The following GPR158 variants were observed in gnomAD, a reference collection of about 807,000 sequenced individuals.
GPR158 encodes G protein-coupled receptor 158.
GPR158 carries 30 observed loss-of-function variants against 78.2 expected under a neutral mutation model. That is an observed-to-expected ratio of 0.38 (90% CI 0.29 to 0.52). The LOEUF (loss-of-function observed/expected upper bound fraction) is 0.52, where lower values mean the gene tolerates loss of function less well. GPR158 is among the 20% of genes least tolerant of loss of function. GPR158 has a pLI of 0.83. For synonymous variants in GPR158, 581 were observed against 591.1 expected, an observed-to-expected ratio of 0.98 and a Z score of 0.25; for missense variants, 1,463 against 1,523.5, an observed-to-expected ratio of 0.96 and a Z score of 0.66.
intron 3 of GPR158, among the ~76,000 whole-genome samples, chr10:25,396,781 T>A (rs1222616215): frequency 2.0e-5 from 3 of 152,182 alleles, no homozygotes; most frequent in Admixed American, 2.0e-4. Context: ...TAGAAATTTA[T>A]AGTTTCAAAA....
chr10:25,485,930 C>T (rs1835729025), intron 5 of GPR158, among the ~76,000 whole-genome samples: 1 of 152,048 alleles, frequency 6.6e-6, no homozygotes, highest in Non-Finnish European at 1.5e-5. Flanking sequence ...TGGTGGGGCC[C>T]TTATGAATGG....
At chr10:25,447,951 CCCA>C (rs1835159217) in intron 4 of GPR158, among the ~76,000 whole-genome samples, 3 of 152,158 alleles carry the variant, frequency 2.0e-5, no homozygotes, top group Admixed American at 2.0e-4. Flanking sequence ...GGCAGTCAGT[CCCA>C]CACCTCTCTC....
chr10:25,492,903 A>T (rs1194784923), intron 5 of GPR158, among the ~76,000 whole-genome samples: 1 of 148,656 alleles, frequency 6.7e-6, no homozygotes, highest in Non-Finnish European at 1.5e-5. Context: ...TTAATATATT[A>T]ATATATAATA....
At chr10:25,283,689 A>C (rs1021574045) in intron 2 of GPR158, among the ~76,000 whole-genome samples, 1 of 151,892 alleles carries the variant, frequency 6.6e-6, no homozygotes, top group Non-Finnish European at 1.5e-5. Flanking sequence ...TTTTAGTCAG[A>C]AGCTTAGATT....
chr10:25,354,374 A>AT (rs1313259962), intron 2 of GPR158, among the ~76,000 whole-genome samples: 1 of 151,268 alleles, frequency 6.6e-6, no homozygotes, highest in Non-Finnish European at 1.5e-5. Flanking sequence ...AAAAAAAGTT[A>AT]TTAAGGAGAG....
rs1837411632 is a variant in GPR158, at chr10:25,596,628, C to G, written c.1999-15C>G. The stretch of plus-strand genomic sequence containing the variant: ...AGTGAGCTAATGTCTACTGCTCATA[C>G]TGAATTTGTTTCAGTTTTCACATTC... On this transcript the variant is annotated splice_polypyrimidine_tract_variant and intron_variant, in intron 9 of 10. Coordinates refer to ENST00000376351, the MANE Select transcript of GPR158 (RefSeq NM_020752.3). The G allele has an allele frequency of 6.2e-7, 1 of 1,606,268 alleles. No homozygotes were observed. The highest frequency in any genetic ancestry group is 1.3e-5 in the African/African-American group (1 of 74,716).
At chr10:25,459,670 C>T (rs889816459) in intron 4 of GPR158, among the ~76,000 whole-genome samples, 6 of 152,326 alleles carry the variant, frequency 3.9e-5, no homozygotes, top group Middle Eastern at 3.4e-3. Flanking sequence ...CTTCTTATTA[C>T]ATCCAGTGAC....
intron 1 of GPR158, among the ~76,000 whole-genome samples, chr10:25,218,372 T>C (rs117475036): frequency 0.012 from 1,804 of 152,320 alleles, 15 homozygotes; most frequent in Non-Finnish European, 0.02. Context: ...GCGAAAGCTT[T>C]CAGTCAGTTG....
chr10:25,424,992 G>A (rs1007035677), intron 4 of GPR158, among the ~76,000 whole-genome samples: 6 of 152,128 alleles, frequency 3.9e-5, no homozygotes, highest in African/African-American at 7.2e-5. Context: ...CCATTTTCAC[G>A]ACATTGATTC....
At chr10:25,220,082 T>A (rs1222171230) in intron 1 of GPR158, among the ~76,000 whole-genome samples, 1 of 152,134 alleles carries the variant, frequency 6.6e-6, no homozygotes, top group East Asian at 1.9e-4. Flanking sequence ...AAATTAGGGG[T>A]GTGGGGCCTC....
At chr10:25,528,894 G>T (rs1339437707) in intron 5 of GPR158, among the ~76,000 whole-genome samples, 1 of 152,180 alleles carries the variant, frequency 6.6e-6, no homozygotes, top group Non-Finnish European at 1.5e-5. Flanking sequence ...TTAATACAGT[G>T]TTAATTGGCC....
In GPR158 at chr10:25,530,525, G is replaced by A. The variant is rs190926461; in HGVS notation, c.1405-20451G>A. Among the ~76,000 whole-genome samples the A allele has an allele frequency of 1.2e-4, 19 of 152,264 alleles. No individual in the cohort carries two copies. The East Asian group carries it at 2.5e-3, about 20-fold the overall frequency. Reference sequence around the variant, plus strand: ...CTAAGCGTCCTTGCCCCACCTCCCCGCAGAAGGTGTGCTGCAGCAGGAGTG... The same window carrying A: ...CTAAGCGTCCTTGCCCCACCTCCCCACAGAAGGTGTGCTGCAGCAGGAGTG... On this transcript the variant is annotated intron_variant, in intron 5 of 10. Coordinates refer to ENST00000376351, the MANE Select transcript of GPR158 (RefSeq NM_020752.3).
intron 2 of GPR158, among the ~76,000 whole-genome samples, chr10:25,310,992 G>A (rs561184039): frequency 6.6e-6 from 1 of 152,062 alleles, no homozygotes; most frequent in South Asian, 2.1e-4. Context: ...TAATCTGAGA[G>A]CTCGCCTTTA....
chr10:25,527,175 A>G (rs1004706563), intron 5 of GPR158, among the ~76,000 whole-genome samples: 3 of 152,228 alleles, frequency 2.0e-5, no homozygotes, highest in Non-Finnish European at 4.4e-5. Flanking sequence ...AGGATAGATG[A>G]ATTCACAGTC....
intron 1 of GPR158, among the ~76,000 whole-genome samples, chr10:25,211,064 G>A (rs1025785799): frequency 1.3e-5 from 2 of 152,088 alleles, no homozygotes; most frequent in South Asian, 2.1e-4. Flanking sequence ...CCAGGGAGTC[G>A]GAGGTTGCAG....
At chr10:25,394,738 C>T (rs979683698) in intron 2 of GPR158, among the ~76,000 whole-genome samples, 3 of 152,128 alleles carry the variant, frequency 2.0e-5, no homozygotes, top group South Asian at 4.1e-4. Flanking sequence ...AGATTTCTTG[C>T]TGCATCTCTG....
At chr10:25,410,497 T>A (rs1050210307) in intron 3 of GPR158, among the ~76,000 whole-genome samples, 1 of 152,018 alleles carries the variant, frequency 6.6e-6, no homozygotes, top group African/African-American at 2.4e-5. Flanking sequence ...GTGTCTGTAG[T>A]CCCAGCTACT....
intron 1 of GPR158, among the ~76,000 whole-genome samples, chr10:25,197,722 CA>C (rs994933614): frequency 5.3e-5 from 8 of 151,972 alleles, no homozygotes; most frequent in African/African-American, 1.9e-4. Flanking sequence ...CCTGGCAATG[CA>C]AAAAAATATA....
At chr10:25,377,278 C>A (rs1834093677) in intron 2 of GPR158, among the ~76,000 whole-genome samples, 1 of 151,812 alleles carries the variant, frequency 6.6e-6, no homozygotes, top group South Asian at 2.1e-4. Flanking sequence ...AACTCTGTTA[C>A]CTGCATGCCA....
Sources: gnomAD v4.1 joint callset for allele counts (sites outside exome capture counted in the v4.1 genomes callset) on GRCh38, gnomAD v4.1.1 for gene constraint, MANE v1.5 for transcripts, NCBI Gene and HGNC (gene_info 2026-07-23, HGNC 2026-07-21) for gene names.